Variants in MAN1C1 observed in about 807,000 individuals in gnomAD.
MAN1C1 encodes the protein mannosidase alpha class 1C member 1, also known as mannosyl-oligosaccharide 1,2-alpha-mannosidase IC.
Under a neutral mutation model 71.5 loss-of-function variants are expected in MAN1C1, and 49 were observed. The observed-to-expected ratio is 0.69, with a 90% confidence interval of 0.54 to 0.87. The LOEUF (loss-of-function observed/expected upper bound fraction) is 0.87. Ranked by LOEUF, MAN1C1 falls within the 40% of genes least tolerant of loss-of-function variation. The pLI, the probability that MAN1C1 is intolerant of heterozygous loss-of-function variation, is 0.00. For missense variants in MAN1C1, 743 were observed against 835.0 expected (o/e 0.89, Z 1.36); for synonymous variants, 352 against 343.7 (o/e 1.02, Z -0.27).
intron 2 of MAN1C1, among the ~76,000 whole-genome samples, chr1:25,718,585 G>T (rs774100980): frequency 2.0e-5 from 3 of 152,228 alleles, no homozygotes; most frequent in Admixed American, 1.3e-4. Context: ...CATCACAGTC[G>T]CTTCCCATTT....
chr1:25,700,887 G>T (rs2046432967), intron 2 of MAN1C1, among the ~76,000 whole-genome samples: 1 of 152,246 alleles, frequency 6.6e-6, no homozygotes, highest in Non-Finnish European at 1.5e-5. Context: ...GGGAATGCAG[G>T]CTTGGAAGGA....
intron 2 of MAN1C1, among the ~76,000 whole-genome samples, chr1:25,695,961 AG>A (rs1370857990): frequency 1.3e-5 from 2 of 152,206 alleles, no homozygotes; most frequent in East Asian, 3.9e-4. Flanking sequence ...TTCATTTCGA[AG>A]GGGGTATTGG....
Position 25,743,595 on chromosome 1 carries a change from G to A in MAN1C1, c.638-3073G>A, listed in dbSNP as rs1270602633. On this transcript the variant is annotated intron_variant, in intron 2 of 11. Transcript: ENST00000374332. ...GGGGTGGGAGACCAACCAAGAGAAG[G>A]ATTCAGGAGCCTGAGAGCAGGGGCA... 5.3e-5 allele frequency among the ~76,000 whole-genome samples: 8 copies of A among 152,214 alleles called. No individual in the cohort carries two copies. In the South Asian group the frequency reaches 1.2e-3, roughly 24 times the overall value.
At chr1:25,626,758 C>T (rs905856535) in intron 1 of MAN1C1, among the ~76,000 whole-genome samples, 1 of 152,094 alleles carries the variant, frequency 6.6e-6, no homozygotes, top group Non-Finnish European at 1.5e-5. Flanking sequence ...TATTGAATTG[C>T]AAGAATGCTT....
rs2047705885 is a variant in MAN1C1 at position 25,782,271 on chromosome 1, G to C, written c.1651-314G>C. On this transcript the variant is annotated intron_variant, in intron 10 of 11. Coordinates refer to ENST00000374332, the MANE Select transcript of MAN1C1 (RefSeq NM_020379.4). This position sits in a 1 kb window ranked among gnomAD's most constrained non-coding sequence, Gnocchi z 4.4. ...TGGGTGAATCTGTAAGACCAGCCTA[G>C]TCCCCTGAAACACAAAGAGAAGCTT... Among the ~76,000 whole-genome samples the C allele has an allele frequency of 6.6e-6, 1 of 152,098 alleles. No individual in the cohort carries two copies. The highest frequency in any genetic ancestry group is 1.5e-5 in the Non-Finnish European group (1 of 68,028).
At chr1:25,780,892 A>C in intron 9 of MAN1C1, 48 bp from the exon 10 acceptor site, 5 of 1,586,524 alleles carry the variant, frequency 3.2e-6, no homozygotes, top group Non-Finnish European at 4.3e-6. Context: ...CCCGAAAAGC[A>C]GGAGGTGGGA....
At position 25,618,104 on chromosome 1, in the gene MAN1C1, C is replaced by T. The variant is rs564755166; in HGVS notation, c.307C>T (p.Arg103Cys). The change falls in exon 1 of 12, where the codon CGC (arginine) becomes TGC (cysteine). Residue 103 changes from arginine (R) to cysteine (C), a missense_variant. By Grantham distance (180) the Arg-to-Cys change is radical. Coordinates refer to ENST00000374332, the MANE Select transcript of MAN1C1 (RefSeq NM_020379.4). ...EDDPSSWASP[R>C]RRKGGLRRTR... is the part of the protein sequence containing the mutation. Reference sequence around the variant, plus strand: ...TGACCCCAGCAGCTGGGCCAGTCCCCGCCGCAGGAAAGGGGGGCTGCGGCG... The same window carrying T: ...TGACCCCAGCAGCTGGGCCAGTCCCTGCCGCAGGAAAGGGGGGCTGCGGCG... The T allele has an allele frequency of 3.0e-5, 46 of 1,513,514 alleles. No homozygotes were observed. In the South Asian group the frequency reaches 3.3e-4, roughly 11 times the overall value. The allele number at this position is 1,513,514 out of a possible 1,614,324, so 93.8% of individuals were successfully genotyped here.
chr1:25,673,913 C>T (rs995646152), intron 1 of MAN1C1, among the ~76,000 whole-genome samples: 1 of 152,246 alleles, frequency 6.6e-6, no homozygotes, highest in African/African-American at 2.4e-5. Flanking sequence ...GAGACACTTG[C>T]ACATGGGCAG....
intron 5 of MAN1C1, among the ~76,000 whole-genome samples, chr1:25,754,292 CA>C (rs1462228597): frequency 6.6e-6 from 1 of 152,212 alleles, no homozygotes; most frequent in Non-Finnish European, 1.5e-5. Context: ...CTCAAACCAA[CA>C]GAAGCTTCAG....
At chr1:25,681,589 C>T (rs562847876) in intron 1 of MAN1C1, among the ~76,000 whole-genome samples, 10 of 152,314 alleles carry the variant, frequency 6.6e-5, no homozygotes, top group Admixed American at 5.2e-4. Context: ...GGACCCACCT[C>T]GCAAGCAGGC....
intron 1 of MAN1C1, among the ~76,000 whole-genome samples, chr1:25,650,236 A>G (rs2045672697): frequency 6.6e-6 from 1 of 152,114 alleles, no homozygotes; most frequent in Admixed American, 6.5e-5. Flanking sequence ...TCAGGTCCTT[A>G]ACATTGTTTC....
At chr1:25,655,759 C>T (rs924800666) in intron 1 of MAN1C1, among the ~76,000 whole-genome samples, 1 of 152,120 alleles carries the variant, frequency 6.6e-6, no homozygotes, top group African/African-American at 2.4e-5. Context: ...GCCAGTTTTT[C>T]CTCAGGGACT....
At chr1:25,763,650 AG>A in intron 6 of MAN1C1, 1 of 546,482 alleles carries the variant, frequency 1.8e-6, no homozygotes, top group Non-Finnish European at 3.3e-6. Context: ...GTCAGTGGAG[AG>A]GCTATGGATC....
At chr1:25,774,557 AAAGG>A (rs2047594764) in intron 8 of MAN1C1, among the ~76,000 whole-genome samples, 1 of 152,212 alleles carries the variant, frequency 6.6e-6, no homozygotes, top group African/African-American at 2.4e-5. Flanking sequence ...TGCAGGCGGC[AAAGG>A]AAGGAACAGC....
chr1:25,641,038 G>T (rs185362129), intron 1 of MAN1C1, among the ~76,000 whole-genome samples: 1 of 152,312 alleles, frequency 6.6e-6, no homozygotes, highest in Admixed American at 6.5e-5. Context: ...CGACTTGCCT[G>T]TTAGAGAAGG....
At chr1:25,758,932 G>A in intron 6 of MAN1C1, 1 of 533,016 alleles carries the variant, frequency 1.9e-6, no homozygotes, top group Non-Finnish European at 3.4e-6. Flanking sequence ...TTCTACAGAG[G>A]GAAAAGGAGA....
rs2045387688 is a variant in MAN1C1 at position 25,631,969 on chromosome 1, C to CCTA, written c.540+13633_540+13634insTAC. On this transcript the variant is annotated intron_variant, in intron 1 of 11. Transcript: ENST00000374332. The surrounding 1 kb of genome is among the most constrained non-coding windows in gnomAD (Gnocchi z 4.2). ...GTATTTTTTGTAGGATGGGGTTTCA[C>CCTA]CATGTTGGCTAGGCTGGTCTTGAAT... 6.6e-6 allele frequency among the ~76,000 whole-genome samples: 1 copy of CCTA among 152,218 alleles called. No individual in the cohort carries two copies.
At chr1:25,633,069 T>C (rs2045407628) in intron 1 of MAN1C1, among the ~76,000 whole-genome samples, 1 of 152,152 alleles carries the variant, frequency 6.6e-6, no homozygotes, top group South Asian at 2.1e-4. Flanking sequence ...GGTTTCACCA[T>C]GTTGGCCAGG....
At chr1:25,763,835 G>A (rs566189800) in intron 6 of MAN1C1, 39 bp from the exon 7 acceptor site, 24 of 1,566,732 alleles carry the variant, frequency 1.5e-5, no homozygotes, top group African/African-American at 5.4e-5. Context: ...CGGCTTCTTC[G>A]GAAGCATGAA....
Sources: gnomAD v4.1 joint callset for allele counts (sites outside exome capture counted in the v4.1 genomes callset) on GRCh38, gnomAD v4.1.1 for gene constraint, Gnocchi (gnomAD v3.1) non-coding constraint, MANE v1.5 for transcripts, NCBI Gene and HGNC (gene_info 2026-07-23, HGNC 2026-07-21) for gene names.